The following RP1 variants were observed in gnomAD, a reference collection of about 807,000 sequenced individuals.
RP1 encodes RP1 axonemal microtubule associated.
In RP1, 16 loss-of-function variants were observed where a neutral mutation model predicts 14.8. That is an observed-to-expected ratio of 1.08 (90% confidence interval 0.73 to 1.65). The LOEUF (loss-of-function observed/expected upper bound fraction) is 1.65, where lower values mean the gene tolerates loss of function less well. Among genes scored for constraint, RP1 ranks in the 40% most tolerant of loss-of-function variants. The probability of loss-of-function intolerance (pLI) is 0.00; values close to 1 mark genes in which losing one functional copy is unlikely to be tolerated. For missense variants in RP1, 2,631 were observed against 2,535.0 expected (o/e 1.04, Z -0.81); for synonymous variants, 876 against 883.6 (o/e 0.99, Z 0.15).
chr8:54,703,541 T>C (rs1475504209), intron 14 of RP1, among the ~76,000 whole-genome samples: 2 of 152,172 alleles, frequency 1.3e-5, no homozygotes, highest in East Asian at 3.9e-4. Context: ...TTTAGTATAA[T>C]TCCAAAGGGC....
intron 22 of RP1, among the ~76,000 whole-genome samples, chr8:54,762,395 C>T (rs1226956381): frequency 6.6e-6 from 1 of 152,124 alleles, no homozygotes; most frequent in Non-Finnish European, 1.5e-5. Context: ...GTGTGCGCAT[C>T]CTCCTTTCCT....
intron 24 of RP1, among the ~76,000 whole-genome samples, chr8:54,801,705 C>T (rs1302303862): frequency 6.6e-6 from 1 of 152,154 alleles, no homozygotes; most frequent in Non-Finnish European, 1.5e-5. Flanking sequence ...AACTCTTATG[C>T]TTCCCATATC....
intron 1 of RP1, among the ~76,000 whole-genome samples, chr8:54,597,707 A>G (rs1486264091): frequency 6.6e-6 from 1 of 152,208 alleles, no homozygotes; most frequent in African/African-American, 2.4e-5. Context: ...AACCTCAAAA[A>G]CATTATGCTA....
intron 1 of RP1, among the ~76,000 whole-genome samples, chr8:54,596,435 C>T (rs1357521803): frequency 2.0e-5 from 3 of 152,168 alleles, no homozygotes; most frequent in African/African-American, 2.4e-5. Context: ...CAAATTATCT[C>T]CTCTACATGA....
chr8:54,734,742 C>G (rs553860647), exon 18 of RP1: 1 of 1,527,834 alleles, frequency 6.5e-7, no homozygotes, highest in East Asian at 2.5e-5. Context: ...GGATGAGTTT[C>G]AGGTAAACAA....
intron 1 of RP1, among the ~76,000 whole-genome samples, chr8:54,568,010 G>C (rs1804443138): frequency 6.6e-6 from 1 of 152,130 alleles, no homozygotes; most frequent in African/African-American, 2.4e-5. Flanking sequence ...TGGTATGGTG[G>C]ACCTACAGTG....
intron 21 of RP1, among the ~76,000 whole-genome samples, chr8:54,756,405 C>T (rs760320410): frequency 5.3e-5 from 8 of 152,174 alleles, no homozygotes; most frequent in Non-Finnish European, 1.0e-4. Flanking sequence ...AAGAAGACTC[C>T]TTAAACCAGT....
At chr8:54,764,888 T>G (rs955595517) in intron 22 of RP1, among the ~76,000 whole-genome samples, 2 of 152,022 alleles carry the variant, frequency 1.3e-5, no homozygotes, top group Non-Finnish European at 2.9e-5. Context: ...AGAGTAATTC[T>G]TAGAATTAGC....
At chr8:54,559,777 C>T (rs1034805780) in intron 1 of RP1, among the ~76,000 whole-genome samples, 6 of 151,998 alleles carry the variant, frequency 3.9e-5, no homozygotes, top group African/African-American at 1.2e-4. Context: ...TGGCTGGAGG[C>T]ACAAAGACCA....
intron 8 of RP1, among the ~76,000 whole-genome samples, chr8:54,677,827 T>G (rs187964091): frequency 1.3e-5 from 2 of 152,298 alleles, no homozygotes; most frequent in East Asian, 3.9e-4. Flanking sequence ...GAATAGAATA[T>G]ATTTTGAGCT....
At chr8:54,605,297 C>T (rs1374117491) in intron 1 of RP1, among the ~76,000 whole-genome samples, 1 of 152,188 alleles carries the variant, frequency 6.6e-6, no homozygotes, top group Non-Finnish European at 1.5e-5. Context: ...TCGTTATGCA[C>T]CCAGTAGTCA....
At chr8:54,561,643 T>C (rs932504382) in intron 1 of RP1, 1 of 152,222 alleles carries the variant, frequency 6.6e-6, no homozygotes, top group Admixed American at 6.5e-5. Context: ...GAGATGTGGC[T>C]TTTCAGATGA....
In RP1 at chr8:54,712,285, C is replaced by T. The variant is rs1332456781; in HGVS notation, c.2211+5630C>T. On this transcript the variant is annotated intron_variant, in intron 15 of 22. Transcript: ENST00000636932. ...GTGGGCTGGAGAGGGTCTGGGAGAC[C>T]GTCCTGCTTCCACAGTTTTCTCATT... is the stretch of plus-strand genomic sequence containing the variant. Among the ~76,000 whole-genome samples the T allele has an allele frequency of 3.9e-5, 6 of 152,228 alleles. No homozygotes were observed. The East Asian group carries it at 9.7e-4, about 25-fold the overall frequency.
chr8:54,854,735 G>A (rs190590751), intron 26 of RP1, among the ~76,000 whole-genome samples: 51 of 152,216 alleles, frequency 3.4e-4, no homozygotes, highest in Admixed American at 3.2e-3. Flanking sequence ...CGTGGCGGCA[G>A]GCGCCTGTAG....
At position 54,763,910 on chromosome 8, in the gene RP1, T is replaced by A. The variant is rs117124141; in HGVS notation, c.3248+4834T>A. ...CATTTCTATTCAGGATTCATGACTT[T>A]AAAATTTTTTTTTTTGAGAAAGGTT... On this transcript the variant is annotated intron_variant, in intron 22 of 22. Transcript: ENST00000636932. 4.3e-3 allele frequency among the ~76,000 whole-genome samples: 649 copies of A among 152,294 alleles called. 20 individuals are homozygous for A. In the East Asian group the frequency reaches 0.071, roughly 17 times the overall value.
chr8:54,687,144 G>T (rs905761391), intron 12 of RP1, among the ~76,000 whole-genome samples: 1 of 151,904 alleles, frequency 6.6e-6, no homozygotes, highest in African/African-American at 2.4e-5. Flanking sequence ...AAAGAATCAG[G>T]AAAGTAAAAG....
At chr8:54,869,076 C>T (rs1005508946) in intron 28 of RP1, among the ~76,000 whole-genome samples, 15 of 152,048 alleles carry the variant, frequency 9.9e-5, no homozygotes, top group African/African-American at 3.4e-4. Flanking sequence ...CCACAGCCAG[C>T]CTACAGGTAG....
downstream of RP1, among the ~76,000 whole-genome samples, chr8:54,633,733 C>CTATATATATATA (rs1461408412): frequency 7.7e-6 from 1 of 130,132 alleles, no homozygotes; most frequent in African/African-American, 3.1e-5. Flanking sequence ...CTCTCTCTCT[C>CTATATATATATA]TCTCTATATA....
chr8:54,705,239 T>G (rs2129344767), intron 14 of RP1, among the ~76,000 whole-genome samples: 1 of 151,386 alleles, frequency 6.6e-6, no homozygotes, highest in Admixed American at 6.6e-5. Flanking sequence ...ATACTCAAAG[T>G]TACAGTTTAT....
Sources: allele counts gnomAD v4.1 joint callset (sites outside exome capture counted in the v4.1 genomes callset), GRCh38; gene constraint gnomAD v4.1.1; transcripts MANE v1.5; gene names NCBI Gene and HGNC (gene_info 2026-07-23, HGNC 2026-07-21).